TENM4: variants seen among roughly 807,000 people sequenced by gnomAD.
The protein encoded by TENM4 is teneurin transmembrane protein 4.
A neutral mutation model predicts 243.3 loss-of-function variants in TENM4; 82 were observed. The ratio of observed to expected loss-of-function variants is 0.34; its 90% CI spans 0.28 to 0.40. The LOEUF (loss-of-function observed/expected upper bound fraction) is 0.40. Ranked by LOEUF, TENM4 falls within the 10% of genes least tolerant of loss-of-function variation. The pLI is 1.00. For synonymous variants in TENM4, 1,412 were observed against 1,456.3 expected, an observed-to-expected ratio of 0.97 and a Z score of 0.69; for missense variants, 3,138 against 3,673.3, an observed-to-expected ratio of 0.85 and a Z score of 3.77.
chr11:78,898,432 C>G (rs530655073), intron 7 of TENM4, among the ~76,000 whole-genome samples: 1 of 152,364 alleles, frequency 6.6e-6, no homozygotes, highest in Admixed American at 6.5e-5. Context: ...GACTATTTCT[C>G]TGATATCAAG....
At chr11:78,978,988 C>T (rs1565152603) in intron 6 of TENM4, among the ~76,000 whole-genome samples, 2 of 151,956 alleles carry the variant, frequency 1.3e-5, no homozygotes, top group South Asian at 2.1e-4. Context: ...CTGCATGTGC[C>T]TTGGATTTCA....
At chr11:78,709,109 A>C (rs1859337511) in intron 26 of TENM4, among the ~76,000 whole-genome samples, 1 of 148,528 alleles carries the variant, frequency 6.7e-6, no homozygotes, top group Non-Finnish European at 1.5e-5. Flanking sequence ...CTGGGACCAC[A>C]GGCATGCGCC....
chr11:79,122,580 G>A (rs918747491), intron 4 of TENM4, among the ~76,000 whole-genome samples: 2 of 152,118 alleles, frequency 1.3e-5, no homozygotes, highest in African/African-American at 4.8e-5. Flanking sequence ...TGACTGACTG[G>A]ATATGGGGTC....
chr11:79,171,768 A>C (rs1267387932), intron 3 of TENM4, among the ~76,000 whole-genome samples: 1 of 152,246 alleles, frequency 6.6e-6, no homozygotes, highest in Non-Finnish European at 1.5e-5. Context: ...AAGAAGAGTC[A>C]GCTTTTGGAC....
At chr11:78,984,001 TC>T in intron 6 of TENM4, among the ~76,000 whole-genome samples, 1 of 152,290 alleles carries the variant, frequency 6.6e-6, no homozygotes, top group Admixed American at 6.5e-5. Flanking sequence ...TGGAGAGGAT[TC>T]CAGGAGTGAG....
chr11:78,677,879 T>G (rs1385882247), intron 29 of TENM4, among the ~76,000 whole-genome samples: 1 of 135,144 alleles, frequency 7.4e-6, no homozygotes, highest in African/African-American at 2.8e-5. Flanking sequence ...CCCACTAATG[T>G]GTCATCTAGC....
intron 14 of TENM4, among the ~76,000 whole-genome samples, chr11:78,806,110 C>T (rs567663841): frequency 6.6e-5 from 10 of 151,756 alleles, no homozygotes; most frequent in East Asian, 1.9e-4. Context: ...GGCAACACAG[C>T]GAGATCCTGT....
chr11:78,738,814 T>C (rs1590982341), intron 19 of TENM4, among the ~76,000 whole-genome samples: 1 of 152,148 alleles, frequency 6.6e-6, no homozygotes, highest in African/African-American at 2.4e-5. Context: ...CACTCGGAGG[T>C]TATTTTCTAA....
chr11:79,334,105 G>C (rs1174861197), intron 1 of TENM4, among the ~76,000 whole-genome samples: 2 of 152,152 alleles, frequency 1.3e-5, no homozygotes, highest in Non-Finnish European at 2.9e-5. Context: ...TACCTAACTG[G>C]GCTTGTGGGA....
At chr11:79,357,228 G>C (rs905511456) in intron 1 of TENM4, among the ~76,000 whole-genome samples, 6 of 152,164 alleles carry the variant, frequency 3.9e-5, no homozygotes, top group African/African-American at 1.4e-4. Context: ...AGACTTACCT[G>C]GAAGTTCCCA....
At chr11:78,839,989 G>C (rs1226448952) in intron 12 of TENM4, among the ~76,000 whole-genome samples, 3 of 152,158 alleles carry the variant, frequency 2.0e-5, no homozygotes, top group Admixed American at 6.5e-5. Context: ...TCTGGAAAAT[G>C]GAGATAGTAA....
chr11:79,105,714 A>T (rs1482935375), intron 4 of TENM4, among the ~76,000 whole-genome samples: 1 of 152,224 alleles, frequency 6.6e-6, no homozygotes, highest in Non-Finnish European at 1.5e-5. Flanking sequence ...GGTTTGAAGT[A>T]AAGAAGTCCC....
intron 3 of TENM4, among the ~76,000 whole-genome samples, chr11:79,151,887 G>C (rs1206418555): frequency 1.3e-5 from 2 of 152,090 alleles, no homozygotes; most frequent in Non-Finnish European, 2.9e-5. Flanking sequence ...TCTCCTTGGA[G>C]GTAAGAGATG....
In TENM4 at chr11:78,672,231, G is replaced by A. The variant is rs746045153; in HGVS notation, c.5595C>T (p.Tyr1865=). 8.7e-6 allele frequency: 14 copies of A among 1,614,050 alleles called. No individual in the cohort carries two copies. The highest frequency in any genetic ancestry group is 1.6e-4 in the Middle Eastern group (1 of 6,062). The part of the protein sequence containing the change: ...DHRKFTLRIL[Y]DQAGRPSLWS... ...AGAGGCTGGGCCGCCCCGCCTGGTC[G>A]TACAGAATCCGAAGGGTGAACTTGC... is the stretch of plus-strand genomic sequence containing the variant. Residue 1865 remains tyrosine (Y), a synonymous_variant, in exon 31 of 34, where the codon TAC becomes TAT. Transcript: ENST00000278550.
chr11:78,923,981 A>T (rs1017638859), intron 6 of TENM4, among the ~76,000 whole-genome samples: 1 of 151,280 alleles, frequency 6.6e-6, no homozygotes, highest in African/African-American at 2.4e-5. Context: ...CAGCCTCCCA[A>T]GTAGCTGGGA....
chr11:78,699,310 C>A (rs915791303), intron 28 of TENM4, among the ~76,000 whole-genome samples: 1 of 152,174 alleles, frequency 6.6e-6, no homozygotes, highest in Non-Finnish European at 1.5e-5. Context: ...ATGTAGGTGA[C>A]CCTAGCCAGT....
chr11:79,145,535 TTCA>T (rs1282444629), intron 4 of TENM4, among the ~76,000 whole-genome samples: 1 of 152,090 alleles, frequency 6.6e-6, no homozygotes, highest in East Asian at 1.9e-4. Flanking sequence ...GCTTCTGAGG[TTCA>T]TCAATATTGC....
intron 4 of TENM4, among the ~76,000 whole-genome samples, chr11:79,124,105 C>T (rs1861809497): frequency 6.6e-6 from 1 of 152,162 alleles, no homozygotes; most frequent in Non-Finnish European, 1.5e-5. Flanking sequence ...GTTGGCAGGA[C>T]TCTGAGGCTG....
chr11:78,659,452 G>A (rs1472916805), intron 33 of TENM4, among the ~76,000 whole-genome samples: 1 of 151,710 alleles, frequency 6.6e-6, no homozygotes, highest in Non-Finnish European at 1.5e-5. Context: ...GAAGGAAGGA[G>A]CAAACAAAGC....
Sources: allele counts gnomAD v4.1 joint callset (sites outside exome capture counted in the v4.1 genomes callset), GRCh38; gene constraint gnomAD v4.1.1; transcripts MANE v1.5; gene names NCBI Gene and HGNC (gene_info 2026-07-23, HGNC 2026-07-21).